The following LRRTM4 variants were observed in gnomAD, a reference collection of about 807,000 sequenced individuals.
LRRTM4 encodes leucine rich repeat transmembrane neuronal 4.
LRRTM4 carries 25 observed loss-of-function variants against 47.6 expected under a neutral mutation model. The ratio of observed to expected loss-of-function variants is 0.53; its 90% CI spans 0.38 to 0.73. The LOEUF (loss-of-function observed/expected upper bound fraction) is 0.73. Among genes scored for constraint, LRRTM4 ranks in the 30% least tolerant of loss-of-function variants. LRRTM4 has a pLI of 0.00. For synonymous variants in LRRTM4, 311 were observed against 269.5 expected (o/e 1.15, Z -1.51); for missense variants, 638 against 713.4 (o/e 0.89, Z 1.20).
chr2:76,776,185 C>T (rs1434210797), intron 3 of LRRTM4, among the ~76,000 whole-genome samples: 2 of 152,256 alleles, frequency 1.3e-5, no homozygotes, highest in Admixed American at 6.5e-5. Context: ...GGTTCCAAGT[C>T]TTTGCTGTTG....
At chr2:77,128,452 C>G (rs1234499608) in intron 3 of LRRTM4, among the ~76,000 whole-genome samples, 1 of 150,274 alleles carries the variant, frequency 6.7e-6, no homozygotes, top group Non-Finnish European at 1.5e-5. Context: ...AAAACTAAAA[C>G]TTTTTCCATT....
chr2:77,211,491 C>T (rs1369050494), intron 3 of LRRTM4, among the ~76,000 whole-genome samples: 1 of 152,122 alleles, frequency 6.6e-6, no homozygotes, highest in African/African-American at 2.4e-5. Flanking sequence ...GCCCAACTTC[C>T]AATCCACCCA....
At chr2:77,081,564 T>C (rs1282646275) in intron 3 of LRRTM4, among the ~76,000 whole-genome samples, 1 of 152,096 alleles carries the variant, frequency 6.6e-6, no homozygotes, top group Non-Finnish European at 1.5e-5. Flanking sequence ...CCAGAAGAAG[T>C]CAAGCTTTCA....
chr2:76,783,839 G>A (rs1282740679), intron 3 of LRRTM4, among the ~76,000 whole-genome samples: 2 of 152,114 alleles, frequency 1.3e-5, no homozygotes, highest in Admixed American at 1.3e-4. Context: ...TAATTGCAAT[G>A]TTAATTCTGC....
chr2:76,813,874 T>C (rs1010586530), intron 3 of LRRTM4, among the ~76,000 whole-genome samples: 1 of 151,700 alleles, frequency 6.6e-6, no homozygotes, highest in African/African-American at 2.4e-5. Flanking sequence ...TGCACTGGTA[T>C]TACATTGCCA....
At chr2:76,854,418 A>G (rs551741413) in intron 3 of LRRTM4, among the ~76,000 whole-genome samples, 1 of 152,264 alleles carries the variant, frequency 6.6e-6, no homozygotes, top group South Asian at 2.1e-4. Flanking sequence ...GTCATCTTTC[A>G]ATCAGAAGTA....
At chr2:77,438,930 G>T (rs1384551211) in intron 3 of LRRTM4, among the ~76,000 whole-genome samples, 1 of 152,020 alleles carries the variant, frequency 6.6e-6, no homozygotes, top group East Asian at 1.9e-4. Context: ...CTTGTTATGG[G>T]GGCATACTGC....
chr2:77,066,640 G>A (rs552318611), intron 3 of LRRTM4, among the ~76,000 whole-genome samples: 1 of 152,258 alleles, frequency 6.6e-6, no homozygotes, highest in East Asian at 1.9e-4. Flanking sequence ...TTGTCACAGA[G>A]GAGCTTACTA....
At chr2:77,026,360 A>G (rs922752531) in intron 3 of LRRTM4, among the ~76,000 whole-genome samples, 2 of 152,114 alleles carry the variant, frequency 1.3e-5, no homozygotes, top group Non-Finnish European at 2.9e-5. Flanking sequence ...TCCTTGTGCA[A>G]CTTGGAAGGT....
intron 3 of LRRTM4, among the ~76,000 whole-genome samples, chr2:77,417,834 C>A (rs1352441931): frequency 3.9e-5 from 6 of 152,008 alleles, no homozygotes; most frequent in Non-Finnish European, 1.5e-5. Flanking sequence ...CTGGGTGCGG[C>A]ACACCAACAT....
intron 3 of LRRTM4, among the ~76,000 whole-genome samples, chr2:77,078,400 ACACACAC>A (rs1433326379): frequency 6.7e-6 from 1 of 150,354 alleles, no homozygotes; most frequent in East Asian, 1.9e-4. Context: ...ACACACACAC[ACACACAC>A]ATGTTCTGGT....
At chr2:77,040,894 G>T (rs1679006932) in intron 3 of LRRTM4, among the ~76,000 whole-genome samples, 1 of 151,386 alleles carries the variant, frequency 6.6e-6, no homozygotes. Context: ...AGGATAAATA[G>T]TATACCTATC....
chr2:76,818,829 T>C (rs969613730), intron 3 of LRRTM4, among the ~76,000 whole-genome samples: 4 of 151,778 alleles, frequency 2.6e-5, no homozygotes, highest in Non-Finnish European at 1.5e-5. Flanking sequence ...AGTTACAAAC[T>C]GAAATAATCA....
At chr2:76,938,737 C>T (rs547851882) in intron 3 of LRRTM4, among the ~76,000 whole-genome samples, 95 of 152,124 alleles carry the variant, frequency 6.2e-4, no homozygotes, top group Non-Finnish European at 1.0e-3. Flanking sequence ...GGCAAAAACA[C>T]TATTATGGAA....
At chr2:77,304,163 C>A (rs192885199) in intron 3 of LRRTM4, among the ~76,000 whole-genome samples, 1 of 152,086 alleles carries the variant, frequency 6.6e-6, no homozygotes, top group Non-Finnish European at 1.5e-5. Flanking sequence ...GAAGTGATAT[C>A]TTATTGGGAT....
chr2:77,004,484 C>G (rs934406489), intron 3 of LRRTM4, among the ~76,000 whole-genome samples: 2 of 152,092 alleles, frequency 1.3e-5, no homozygotes, highest in Non-Finnish European at 2.9e-5. Context: ...TGAACCTTTG[C>G]CTAGATTTCA....
At chr2:77,496,235 T>G (rs938705000) in intron 3 of LRRTM4, among the ~76,000 whole-genome samples, 1 of 151,954 alleles carries the variant, frequency 6.6e-6, no homozygotes, top group African/African-American at 2.4e-5. Context: ...AGTAGCTTTC[T>G]TAACAGATTC....
At chr2:77,395,259 G>T (rs1414310747) in intron 3 of LRRTM4, among the ~76,000 whole-genome samples, 1 of 151,888 alleles carries the variant, frequency 6.6e-6, no homozygotes, top group Non-Finnish European at 1.5e-5. Flanking sequence ...GTTGATAAGG[G>T]TTTTCTGTGG....
At chr2:76,804,284 C>G (rs1675851307) in intron 3 of LRRTM4, among the ~76,000 whole-genome samples, 1 of 152,104 alleles carries the variant, frequency 6.6e-6, no homozygotes. Context: ...TTTGTTATTT[C>G]TCAAGAATCC....
Sources: gnomAD v4.1 joint callset for allele counts (sites outside exome capture counted in the v4.1 genomes callset) on GRCh38, gnomAD v4.1.1 for gene constraint, MANE v1.5 for transcripts, NCBI Gene and HGNC (gene_info 2026-07-23, HGNC 2026-07-21) for gene names.